The following BMP2K variants were observed in gnomAD, a reference collection of about 807,000 sequenced individuals.
The protein encoded by BMP2K is BMP2 inducible kinase.
A neutral mutation model predicts 116.0 loss-of-function variants in BMP2K; 74 were observed. The ratio of observed to expected loss-of-function variants is 0.64; its 90% CI spans 0.53 to 0.77. BMP2K has a LOEUF of 0.77. BMP2K is among the 30% of genes least tolerant of loss of function. The pLI is 0.00. For synonymous variants in BMP2K, 486 were observed against 502.5 expected (o/e 0.97, Z 0.44); for missense variants, 1,365 against 1,403.6 (o/e 0.97, Z 0.44).
chr4:78,902,319 A>C (rs1334998993), intron 15 of BMP2K, among the ~76,000 whole-genome samples: 1 of 152,166 alleles, frequency 6.6e-6, no homozygotes, highest in African/African-American at 2.4e-5. Context: ...ATATGAGAAC[A>C]TAATGGAAAT....
intron 10 of BMP2K, among the ~76,000 whole-genome samples, chr4:78,865,942 A>G (rs763263211): frequency 2.0e-5 from 3 of 152,136 alleles, no homozygotes; most frequent in Non-Finnish European, 4.4e-5. Context: ...GGTACAAAAA[A>G]CTCACAATTT....
chr4:78,817,932 CAT>C (rs1297493687), intron 1 of BMP2K, among the ~76,000 whole-genome samples: 5 of 152,180 alleles, frequency 3.3e-5, no homozygotes, highest in African/African-American at 1.2e-4. Flanking sequence ...AAAGAACAGA[CAT>C]ATATTTTTTT....
At chr4:78,899,856 A>T (rs1457551467) in intron 15 of BMP2K, among the ~76,000 whole-genome samples, 3 of 152,170 alleles carry the variant, frequency 2.0e-5, no homozygotes, top group Non-Finnish European at 4.4e-5. Flanking sequence ...TTAGCAACAG[A>T]TTATTCTTTC....
chr4:78,870,908 T>G lies in BMP2K; in HGVS notation c.1357T>G (p.Leu453Val), dbSNP rs764162326. The G allele has an allele frequency of 4.3e-6, 7 of 1,611,774 alleles. No individual in the cohort carries two copies. The change falls in exon 11 of 16, where the codon TTA (leucine) becomes GTA (valine). Residue 453 changes from leucine (L) to valine (V), a missense_variant. Physicochemically the swap from Leu to Val is conservative, Grantham distance 32 (BLOSUM62 1). Transcript: ENST00000502613. ...QGDWRLQQLH[L>V]QHRHPHQQQQ... is the part of the protein sequence containing the mutation. ...AGATTGGAGATTACAGCAACTCCAT[T>G]TACAGCATCGTCATCCTCACCAGCA...
chr4:78,838,366 G>A (rs184805589), intron 3 of BMP2K, among the ~76,000 whole-genome samples: 77 of 152,226 alleles, frequency 5.1e-4, no homozygotes, highest in Middle Eastern at 3.4e-3. Context: ...AGTTTTCTTC[G>A]GATGTTTTAC....
intron 1 of BMP2K, among the ~76,000 whole-genome samples, chr4:78,796,658 T>C (rs752415278): frequency 4.6e-5 from 7 of 152,180 alleles, no homozygotes; most frequent in Non-Finnish European, 8.8e-5. Flanking sequence ...AATGCTGAAT[T>C]TGAACAGCAA....
chr4:78,812,931 C>G (rs1729157973), intron 1 of BMP2K, among the ~76,000 whole-genome samples: 2 of 151,828 alleles, frequency 1.3e-5, no homozygotes, highest in African/African-American at 4.8e-5. Context: ...GTAGTTCCAG[C>G]TATTTGGGAG....
intron 10 of BMP2K, among the ~76,000 whole-genome samples, chr4:78,868,116 G>C (rs1391629596): frequency 6.6e-6 from 1 of 152,128 alleles, no homozygotes; most frequent in Non-Finnish European, 1.5e-5. Flanking sequence ...ATACGTATTA[G>C]TTCGTTTTCA....
intron 7 of BMP2K, among the ~76,000 whole-genome samples, chr4:78,853,148 A>G (rs967413017): frequency 6.6e-6 from 1 of 152,166 alleles, no homozygotes; most frequent in Non-Finnish European, 1.5e-5. Flanking sequence ...ATAAGAAGAT[A>G]CACATCGTTT....
chr4:78,872,497 T>G (rs1218186107), intron 12 of BMP2K, 117 bp from the exon 13 acceptor site: 1 of 891,640 alleles, frequency 1.1e-6, no homozygotes, highest in African/African-American at 1.7e-5. Flanking sequence ...GATGATTGTT[T>G]TTTACGTTTC....
chr4:78,816,235 G>A (rs574673798), intron 1 of BMP2K, among the ~76,000 whole-genome samples: 1 of 152,204 alleles, frequency 6.6e-6, no homozygotes, highest in African/African-American at 2.4e-5. Flanking sequence ...AGGCGATGCT[G>A]TTTACTTTAT....
At chr4:78,801,518 A>G (rs1395395534) in intron 1 of BMP2K, among the ~76,000 whole-genome samples, 3 of 152,114 alleles carry the variant, frequency 2.0e-5, no homozygotes, top group African/African-American at 7.2e-5. Context: ...TTATACTGAA[A>G]TAGCTTTCTA....
intron 6 of BMP2K, 145 bp downstream of exon 6, chr4:78,847,414 A>C (rs531558592): frequency 2.4e-6 from 1 of 411,374 alleles, no homozygotes; most frequent in East Asian, 4.0e-5. Context: ...TTGGGAGAAG[A>C]AAAGTACTAG....
At chr4:78,817,157 T>C (rs1196254069) in intron 1 of BMP2K, among the ~76,000 whole-genome samples, 1 of 152,192 alleles carries the variant, frequency 6.6e-6, no homozygotes, top group Non-Finnish European at 1.5e-5. Flanking sequence ...ATAAAATACA[T>C]CCATAACTAT....
chr4:78,889,741 T>C (rs1300961275), intron 15 of BMP2K, among the ~76,000 whole-genome samples: 1 of 152,214 alleles, frequency 6.6e-6, no homozygotes, highest in Non-Finnish European at 1.5e-5. Context: ...CAGGTGTATG[T>C]GTGTATATAC....
At chr4:78,875,206 G>A (rs115119681) in intron 13 of BMP2K, among the ~76,000 whole-genome samples, 5 of 152,086 alleles carry the variant, frequency 3.3e-5, no homozygotes, top group Admixed American at 3.3e-4. Flanking sequence ...TTTAAAAAGA[G>A]CTCTAAACTA....
intron 1 of BMP2K, among the ~76,000 whole-genome samples, chr4:78,822,839 A>G (rs1172428360): frequency 1.3e-5 from 2 of 152,154 alleles, no homozygotes; most frequent in South Asian, 2.1e-4. Flanking sequence ...TGGGTTGGTC[A>G]TGAAAGAGTT....
At chr4:78,790,941 GTC>G (rs1727966372) in intron 1 of BMP2K, among the ~76,000 whole-genome samples, 2 of 151,926 alleles carry the variant, frequency 1.3e-5, no homozygotes, top group African/African-American at 4.8e-5. Flanking sequence ...TCTAATAATT[GTC>G]TCTCTTTCCA....
At position 78,776,540 on chromosome 4, in the gene BMP2K, G is replaced by A; in HGVS notation, c.-4G>A. Reference sequence around the variant, plus strand: ...CCTGCGCCCTCCAGCTCGCCGGCGGGACCATGAAGAAGTTCTCTCGGATGC... The same window carrying A: ...CCTGCGCCCTCCAGCTCGCCGGCGGAACCATGAAGAAGTTCTCTCGGATGC... On this transcript the variant is annotated 5_prime_UTR_variant, in exon 1 of 16. Coordinates refer to ENST00000502613, the MANE Select transcript of BMP2K (RefSeq NM_198892.2). 8.7e-7 allele frequency: 1 copy of A among 1,144,026 alleles called. No individual in the cohort carries two copies. 70.9% of individuals were successfully genotyped at this position (1,144,026 alleles called of 1,614,324 possible). A position where few individuals can be genotyped will look rare whatever the true frequency, so the allele number is the denominator to read the frequency against.
Sources: gnomAD v4.1 joint callset for allele counts (sites outside exome capture counted in the v4.1 genomes callset) on GRCh38, gnomAD v4.1.1 for gene constraint, MANE v1.5 for transcripts, NCBI Gene and HGNC (gene_info 2026-07-23, HGNC 2026-07-21) for gene names.